Variants in ZNF587B observed in about 807,000 individuals in gnomAD.
The protein encoded by ZNF587B is zinc finger protein 587B.
A neutral mutation model predicts 7.2 loss-of-function variants in ZNF587B; 6 were observed. The ratio of observed to expected loss-of-function variants is 0.83; its 90% confidence interval spans 0.46 to 1.65. ZNF587B has a LOEUF of 1.65. Ranked by LOEUF, ZNF587B falls within the 40% of genes most tolerant of loss-of-function variation. The pLI is 0.01. For missense variants in ZNF587B, 749 were observed against 761.0 expected (o/e 0.98, Z 0.19); for synonymous variants, 274 against 254.3 (o/e 1.08, Z -0.74).
Position 57,841,252 on chromosome 19 carries a change from C to G in ZNF587B, c.578C>G (p.Thr193Ser). The change falls in exon 3 of 3, where the codon ACT becomes AGT. Residue 193 changes from threonine to serine, a missense_variant. Thr to Ser is a moderately conservative substitution (Grantham distance 58). Around this residue, in one of 3 missense-constraint regions of ZNF587B, gnomAD observed 656 missense variants for 596.5 expected, o/e 1.10. Coordinates refer to ENST00000594901, the MANE Select transcript of ZNF587B (RefSeq NM_001376223.1). ...TTACTCCAGCAGGAGGCCAGTCACA[C>G]TGGGGAGAAGTCAAACAGCAAAACT... ...SGLLQQEASH[T>S]GEKSNSKTEC... 1 of 1,614,160 alleles carries G rather than the reference C, an allele frequency of 6.2e-7. No individual in the cohort carries two copies. The highest frequency in any genetic ancestry group is 8.5e-7 in the Non-Finnish European group (1 of 1,180,034).
rs746453858 is a variant in ZNF587B, at chr19:57,841,513, G to A, written c.839G>A (p.Ser280Asn). 6.3e-7 allele frequency: 1 copy of A among 1,584,820 alleles called. No individual in the cohort carries two copies. The highest frequency in any genetic ancestry group is 8.6e-7 in the Non-Finnish European group (1 of 1,164,892). ...TGTGGAGAATGTGAGAAATCTTTTA[G>A]TCAAAAGAGCAGCCTCATTCAACAT... Reference protein sequence around the residue: ...YECGECEKSFSQKSSLIQHQQ... With the variant: ...YECGECEKSFNQKSSLIQHQQ... The change falls in exon 3 of 3, where the codon AGT becomes AAT. Residue 280 changes from serine to asparagine, a missense_variant. Around this residue, in one of 3 missense-constraint regions of ZNF587B, gnomAD observed 656 missense variants for 596.5 expected, o/e 1.10. Coordinates refer to ENST00000594901, the MANE Select transcript of ZNF587B (RefSeq NM_001376223.1).
At position 57,846,156 on chromosome 19, in the gene ZNF587B, A is replaced by G. The variant is rs1989046240; in HGVS notation, c.*3580A>G. 1 of 152,066 alleles carries G rather than the reference A, an allele frequency of 6.6e-6. No homozygotes were observed. The highest frequency in any genetic ancestry group is 1.5e-5 in the Non-Finnish European group (1 of 68,014). The allele number at this position is 152,066 out of a possible 1,614,324, so 9.4% of individuals were successfully genotyped here. ...TTTTCTCTCTGCTCTTCAAACAACC[A>G]TTGATTTACTTTGCTGTATGATGGA... On this transcript the variant is annotated 3_prime_UTR_variant, in exon 3 of 3. Coordinates refer to ENST00000594901, the MANE Select transcript of ZNF587B (RefSeq NM_001376223.1).
At position 57,839,935 on chromosome 19, in the gene ZNF587B, C is replaced by T. The variant is rs183438317; in HGVS notation, c.163+786C>T. 9.7e-4 allele frequency among the ~76,000 whole-genome samples: 147 copies of T among 151,918 alleles called. 1 individual carries two copies. The highest frequency in any genetic ancestry group is 2.3e-3 in the South Asian group (11 of 4,802). On this transcript the variant is annotated intron_variant, in intron 2 of 2. Coordinates refer to ENST00000594901, the MANE Select transcript of ZNF587B (RefSeq NM_001376223.1). ...CTCTACTAAATATAAAAAAATCACTCGAGCATGATGGCATGTGCCTGTAGT... is the reference window on the plus strand; with the variant it reads ...CTCTACTAAATATAAAAAAATCACTTGAGCATGATGGCATGTGCCTGTAGT...
Position 57,842,281 on chromosome 19 carries a change from C to T in ZNF587B, c.1607C>T (p.Ala536Val). Reference sequence around the variant, plus strand: ...GGGAAGTCATTTACCCACAGCTGTGCATTCATTGTTCATAAGAGAGTTCAC... The same window carrying T: ...GGGAAGTCATTTACCCACAGCTGTGTATTCATTGTTCATAAGAGAGTTCAC... ...DCGKSFTHSC[A>V]FIVHKRVHTG... Residue 536 changes from alanine (A) to valine (V), a missense_variant, in exon 3 of 3, where the codon GCA becomes GTA. Ala to Val is a moderately conservative substitution (Grantham distance 64, BLOSUM62 0). Coordinates refer to ENST00000594901, the MANE Select transcript of ZNF587B (RefSeq NM_001376223.1). The T allele has an allele frequency of 6.2e-7, 1 of 1,612,898 alleles. No individual in the cohort carries two copies. Among genetic ancestry groups the T allele is most frequent in the Non-Finnish European group, 8.5e-7 (1 of 1,179,282 alleles).
chr19:57,837,513 A>G (rs939261168), intron 1 of ZNF587B, among the ~76,000 whole-genome samples: 4 of 148,916 alleles, frequency 2.7e-5, no homozygotes, highest in African/African-American at 9.9e-5. Flanking sequence ...CAGTGGTGCT[A>G]TTTCGGCTCA....
chr19:57,840,508 G>T (rs908757252), intron 2 of ZNF587B, among the ~76,000 whole-genome samples: 2 of 152,002 alleles, frequency 1.3e-5, no homozygotes, highest in African/African-American at 4.8e-5. Context: ...GTTTTCCTTG[G>T]CCTGGACAAA....
Position 57,845,608 on chromosome 19 carries a change from T to A in ZNF587B, c.*3032T>A, listed in dbSNP as rs1989030675. On this transcript the variant is annotated 3_prime_UTR_variant, in exon 3 of 3. Coordinates refer to ENST00000594901, the MANE Select transcript of ZNF587B (RefSeq NM_001376223.1). ...ATATTTGCTTCTATGGAGGCTAGTTTCCCCACTTAGGGCATGAGAAGAATT... is the reference window on the plus strand; with the variant it reads ...ATATTTGCTTCTATGGAGGCTAGTTACCCCACTTAGGGCATGAGAAGAATT... 1 of 152,174 alleles carries A rather than the reference T, an allele frequency of 6.6e-6. No homozygotes were observed. The highest frequency in any genetic ancestry group is 1.5e-5 in the Non-Finnish European group (1 of 68,030). 9.4% of individuals were successfully genotyped at this position (152,174 alleles called of 1,614,324 possible).
rs1988963340 is a variant in ZNF587B at position 57,843,631 on chromosome 19, T to C, written c.*1055T>C. On this transcript the variant is annotated 3_prime_UTR_variant, in exon 3 of 3. Coordinates refer to ENST00000594901, the MANE Select transcript of ZNF587B (RefSeq NM_001376223.1). ...TTTTTTTTTTTTTTTGGAGACAAAG[T>C]TTCACTGTCACCGATACTGGAGTGC... The C allele has an allele frequency of 4.7e-6, 4 of 849,754 alleles. No homozygotes were observed. The highest frequency in any genetic ancestry group is 2.7e-4 in the East Asian group (2 of 7,450). The allele number at this position is 849,754 out of a possible 1,614,324, so 52.6% of individuals were successfully genotyped here. A position where few individuals can be genotyped will look rare whatever the true frequency, so the allele number is the denominator to read the frequency against.
At chr19:57,835,622 A>T (rs1226378014) in intron 1 of ZNF587B, among the ~76,000 whole-genome samples, 1 of 141,908 alleles carries the variant, frequency 7.0e-6, no homozygotes, top group African/African-American at 2.7e-5. Context: ...TCAGCCTTCC[A>T]AAGTGCTGGG....
At position 57,837,695 on chromosome 19, in the gene ZNF587B, G is replaced by A. The variant is rs568659963; in HGVS notation, c.37-1328G>A. Among the ~76,000 whole-genome samples, 7 of 152,006 alleles carry A rather than the reference G, an allele frequency of 4.6e-5. No individual in the cohort carries two copies. The South Asian group carries it at 1.2e-3, about 27-fold the overall frequency. On this transcript the variant is annotated intron_variant, in intron 1 of 2. Coordinates refer to ENST00000594901, the MANE Select transcript of ZNF587B (RefSeq NM_001376223.1). The stretch of plus-strand genomic sequence containing the variant: ...GATCTCCTGACCTCGTCATCTGCCC[G>A]TCTCAGCCTCCCAAAGTGCTGGGAT...
rs758712341 is a variant in ZNF587B at position 57,842,282 on chromosome 19, A to G, written c.1608A>G (p.Ala536=). The G allele has an allele frequency of 2.5e-6, 4 of 1,613,130 alleles. No homozygotes were observed. The highest frequency in any genetic ancestry group is 1.1e-5 in the South Asian group (1 of 90,964). Reference sequence around the variant, plus strand: ...GGAAGTCATTTACCCACAGCTGTGCATTCATTGTTCATAAGAGAGTTCACA... The same window carrying G: ...GGAAGTCATTTACCCACAGCTGTGCGTTCATTGTTCATAAGAGAGTTCACA... ...DCGKSFTHSC[A]FIVHKRVHTG... is the part of the protein sequence containing the mutation. The change falls in exon 3 of 3, where the codon GCA becomes GCG. Residue 536 remains alanine, a synonymous_variant. Coordinates refer to ENST00000594901, the MANE Select transcript of ZNF587B (RefSeq NM_001376223.1).
In ZNF587B at chr19:57,837,381, TGAGTAGCTGGGA is replaced by T. The variant is rs374363544; in HGVS notation, c.37-1641_37-1630del. On this transcript the variant is annotated intron_variant, in intron 1 of 2. Coordinates refer to ENST00000594901, the MANE Select transcript of ZNF587B (RefSeq NM_001376223.1). ...AAGTGATTCTCCTGCCTCAACCTCC[TGAGTAGCTGGGA>T]TCACAGGTGCCCACCACCACGCTCA... Among the ~76,000 whole-genome samples the T allele has an allele frequency of 9.0e-3, 1,365 of 151,552 alleles. 25 individuals carry two copies. The highest frequency in any genetic ancestry group is 0.031 in the African/African-American group (1,278 of 41,266).
chr19:57,836,584 A>G (rs1051408528), intron 1 of ZNF587B, among the ~76,000 whole-genome samples: 7 of 152,162 alleles, frequency 4.6e-5, no homozygotes, highest in East Asian at 3.8e-4. Flanking sequence ...TTGAACTCCT[A>G]CGATCAAGCA....
chr19:57,835,449 C>A (rs1988563830), intron 1 of ZNF587B, among the ~76,000 whole-genome samples: 1 of 125,644 alleles, frequency 8.0e-6, no homozygotes, highest in Non-Finnish European at 1.7e-5. Flanking sequence ...CTCTGCCTCC[C>A]AGGTTCAAGC....
rs1988326326 is a variant in ZNF587B at position 57,830,381 on chromosome 19, A to G, written c.-148A>G. On this transcript the variant is annotated 5_prime_UTR_variant, in exon 1 of 3. Coordinates refer to ENST00000594901, the MANE Select transcript of ZNF587B (RefSeq NM_001376223.1). Reference sequence around the variant, plus strand: ...TGACTGAACCCAGAAGGCGGAGAACAGTTGTCCTCTGCTGCACAGAGGCGA... The same window carrying G: ...TGACTGAACCCAGAAGGCGGAGAACGGTTGTCCTCTGCTGCACAGAGGCGA... 5.2e-6 allele frequency: 4 copies of G among 766,078 alleles called. No homozygotes were observed. The East Asian group carries it at 8.2e-5, about 16-fold the overall frequency. 47.5% of individuals were successfully genotyped at this position (766,078 alleles called of 1,614,324 possible).
chr19:57,839,145 C>T lies in ZNF587B; in HGVS notation c.159C>T (p.Ser53=), dbSNP rs577509136. The part of the protein sequence containing the change: ...VTLENLALMS[S]LGCWCGVEDE... ...TGGAGAACCTGGCACTTATGTCCTCCCTGGGTAAGTTGCTCACACTCACCC... is the reference window on the plus strand; with the variant it reads ...TGGAGAACCTGGCACTTATGTCCTCTCTGGGTAAGTTGCTCACACTCACCC... Residue 53 remains serine, a synonymous_variant, in exon 2 of 3, where the codon TCC becomes TCT. Coordinates refer to ENST00000594901, the MANE Select transcript of ZNF587B (RefSeq NM_001376223.1). The T allele has an allele frequency of 8.7e-6, 14 of 1,614,102 alleles. No individual in the cohort carries two copies. The South Asian group carries it at 1.2e-4, about 14-fold the overall frequency.
At chr19:57,838,603 C>G (rs1988721213) in intron 1 of ZNF587B, among the ~76,000 whole-genome samples, 1 of 151,820 alleles carries the variant, frequency 6.6e-6, no homozygotes, top group South Asian at 2.1e-4. Flanking sequence ...CCATCTCAAA[C>G]AAACAAACAA....
Position 57,843,241 on chromosome 19 carries a change from C to G in ZNF587B, c.*665C>G. ...TCCTGAGCTCAAGCAATCTGTACACCTCAGCCTCCCAAAGTGCTGAGATTG... is the reference window on the plus strand; with the variant it reads ...TCCTGAGCTCAAGCAATCTGTACACGTCAGCCTCCCAAAGTGCTGAGATTG... On this transcript the variant is annotated 3_prime_UTR_variant, in exon 3 of 3. Coordinates refer to ENST00000594901, the MANE Select transcript of ZNF587B (RefSeq NM_001376223.1). The G allele has an allele frequency of 1.0e-6, 1 of 958,294 alleles. No homozygotes were observed. The highest frequency in any genetic ancestry group is 4.8e-5 in the South Asian group (1 of 20,748). 59.4% of individuals were successfully genotyped at this position (958,294 alleles called of 1,614,324 possible). A position where few individuals can be genotyped will look rare whatever the true frequency, so the allele number is the denominator to read the frequency against.
At chr19:57,838,641 A>G (rs1988723361) in intron 1 of ZNF587B, among the ~76,000 whole-genome samples, 1 of 152,194 alleles carries the variant, frequency 6.6e-6, no homozygotes, top group South Asian at 2.1e-4. Flanking sequence ...AAGTTGTTTA[A>G]AGGCCAGAGA....
Sources: allele counts gnomAD v4.1 joint callset (sites outside exome capture counted in the v4.1 genomes callset), GRCh38; gene constraint gnomAD v4.1.1; regional missense constraint gnomAD v4.1.1; transcripts MANE v1.5; gene names NCBI Gene and HGNC (gene_info 2026-07-23, HGNC 2026-07-21).